KCNMA1: variants seen among roughly 807,000 people sequenced by gnomAD.
The protein encoded by KCNMA1 is Calcium-activated potassium channel subunit alpha-1.
In KCNMA1, 29 loss-of-function variants were observed where a neutral mutation model predicts 140.0. The observed-to-expected ratio is 0.21, with a 90% CI of 0.15 to 0.28. KCNMA1 has a LOEUF of 0.28. Among genes scored for constraint, KCNMA1 ranks in the 10% least tolerant of loss-of-function variants. KCNMA1 has a pLI of 1.00. For missense variants in KCNMA1, 880 were observed against 1,602.2 expected, an observed-to-expected ratio of 0.55 and a Z score of 7.70; for synonymous variants, 612 against 611.9, an observed-to-expected ratio of 1.00 and a Z score of 0.00.
intron 1 of KCNMA1, chr10:77,587,827 C>G: frequency 9.1e-6 from 9 of 985,266 alleles, no homozygotes; most frequent in Non-Finnish European, 1.1e-5. Context: ...GTTATCTCAC[C>G]GACAGATCAT....
At chr10:77,096,520 C>G (rs573512198) in intron 9 of KCNMA1, among the ~76,000 whole-genome samples, 1 of 152,196 alleles carries the variant, frequency 6.6e-6, no homozygotes. Context: ...TCAGGTTCTG[C>G]GAGGGCGGGG....
chr10:76,875,084 A>T (rs2032116340), downstream of KCNMA1: 1 of 152,240 alleles, frequency 6.6e-6, no homozygotes, highest in Non-Finnish European at 1.5e-5. Context: ...AGAGCTCAAC[A>T]AGTAGGAACA....
chr10:77,043,978 A>T (rs1158799655), intron 14 of KCNMA1, among the ~76,000 whole-genome samples: 5 of 152,202 alleles, frequency 3.3e-5, no homozygotes, highest in Non-Finnish European at 7.3e-5. Flanking sequence ...AATGATTAAG[A>T]TAGTAAATTT....
chr10:77,442,016 C>T (rs1325740464), intron 1 of KCNMA1, among the ~76,000 whole-genome samples: 2 of 152,158 alleles, frequency 1.3e-5, no homozygotes, highest in Non-Finnish European at 2.9e-5. Context: ...CTCAACTGCG[C>T]CAGCAAGGAG....
At chr10:76,924,313 A>G (rs541327588) in intron 23 of KCNMA1, among the ~76,000 whole-genome samples, 1 of 152,348 alleles carries the variant, frequency 6.6e-6, no homozygotes, top group East Asian at 1.9e-4. Context: ...AACCACAGGT[A>G]ACATACTGAC....
At chr10:77,391,675 C>T (rs2095831155) in intron 2 of KCNMA1, among the ~76,000 whole-genome samples, 1 of 151,694 alleles carries the variant, frequency 6.6e-6, no homozygotes. Flanking sequence ...CACTCTGGAC[C>T]CAGAGTCTAA....
At chr10:77,380,934 C>T (rs1189673546) in intron 2 of KCNMA1, among the ~76,000 whole-genome samples, 1 of 152,194 alleles carries the variant, frequency 6.6e-6, no homozygotes, top group Non-Finnish European at 1.5e-5. Context: ...AAACTTATGA[C>T]CTCTTTCTCA....
chr10:77,052,798 A>C lies in KCNMA1; in HGVS notation c.1750-13161T>G, dbSNP rs2095416974. ...TTGAGCCCAATTTTGCATACTCAGC[A>C]AAAGAAAAGTTTTGCAGTCAAGCAG... On this transcript the variant is annotated intron_variant, in intron 14 of 27. Coordinates refer to ENST00000286628, the MANE Select transcript of KCNMA1 (RefSeq NM_001161352.2). Among the ~76,000 whole-genome samples, 3 of 152,268 alleles carry C rather than the reference A, an allele frequency of 2.0e-5. 1 individual carries two copies. The highest frequency in any genetic ancestry group is 4.1e-4 in the South Asian group (2 of 4,820).
chr10:77,287,310 G>A (rs189966608), intron 2 of KCNMA1, among the ~76,000 whole-genome samples: 18 of 152,176 alleles, frequency 1.2e-4, no homozygotes, highest in Non-Finnish European at 2.1e-4. Flanking sequence ...GAAGCAGTAC[G>A]TCACTGCCCC....
chr10:77,514,262 C>T (rs893069800), intron 1 of KCNMA1, among the ~76,000 whole-genome samples: 1 of 152,180 alleles, frequency 6.6e-6, no homozygotes, highest in African/African-American at 2.4e-5. Flanking sequence ...CAGAGATAGC[C>T]AGGCCTCACC....
intron 1 of KCNMA1, among the ~76,000 whole-genome samples, chr10:77,440,635 G>C (rs539987166): frequency 6.6e-6 from 1 of 152,244 alleles, no homozygotes; most frequent in African/African-American, 2.4e-5. Flanking sequence ...AAATGAAAGT[G>C]TTCAGACAAA....
intron 25 of KCNMA1, among the ~76,000 whole-genome samples, chr10:76,899,255 T>C (rs966186637): frequency 3.3e-5 from 5 of 152,168 alleles, no homozygotes; most frequent in African/African-American, 1.2e-4. Flanking sequence ...CAGATTTGAA[T>C]TGGACTTTTT....
chr10:77,350,120 A>G (rs979360007), intron 2 of KCNMA1, among the ~76,000 whole-genome samples: 26 of 152,154 alleles, frequency 1.7e-4, no homozygotes, highest in Non-Finnish European at 3.8e-4. Context: ...GCCAGTCACA[A>G]ACTCCTCACC....
chr10:77,549,342 G>C (rs999949878), intron 1 of KCNMA1, among the ~76,000 whole-genome samples: 1 of 152,210 alleles, frequency 6.6e-6, no homozygotes, highest in Non-Finnish European at 1.5e-5. Flanking sequence ...TTCAGATGGA[G>C]AGGAAGTCTC....
chr10:76,917,359 A>G (rs1281066723), intron 23 of KCNMA1, among the ~76,000 whole-genome samples: 1 of 152,180 alleles, frequency 6.6e-6, no homozygotes, highest in Non-Finnish European at 1.5e-5. Context: ...AGCAGGGAGA[A>G]ATGCAGGTCA....
chr10:77,284,547 T>C (rs2069999452), intron 2 of KCNMA1, among the ~76,000 whole-genome samples: 1 of 152,094 alleles, frequency 6.6e-6, no homozygotes, highest in Non-Finnish European at 1.5e-5. Flanking sequence ...GGTGTCTCTC[T>C]ATGTTGCCCA....
At chr10:76,953,603 G>A (rs1295496850) in intron 21 of KCNMA1, among the ~76,000 whole-genome samples, 198 bp downstream of exon 21, 1 of 152,142 alleles carries the variant, frequency 6.6e-6, no homozygotes, top group Non-Finnish European at 1.5e-5. Context: ...AATATATTCA[G>A]AGATTGAAAA....
chr10:77,338,495 C>G (rs897160804), intron 2 of KCNMA1, among the ~76,000 whole-genome samples: 1 of 152,192 alleles, frequency 6.6e-6, no homozygotes, highest in African/African-American at 2.4e-5. Flanking sequence ...AGACCCTAAG[C>G]CTCTGCTCCT....
intron 1 of KCNMA1, among the ~76,000 whole-genome samples, chr10:77,563,115 A>G (rs966365919): frequency 1.3e-5 from 2 of 152,096 alleles, no homozygotes; most frequent in East Asian, 3.8e-4. Flanking sequence ...AAAGAAACAC[A>G]TGGTAAGATT....
Sources: gnomAD v4.1 joint callset for allele counts (sites outside exome capture counted in the v4.1 genomes callset) on GRCh38, gnomAD v4.1.1 for gene constraint, MANE v1.5 for transcripts, NCBI Gene and HGNC (gene_info 2026-07-23, HGNC 2026-07-21) for gene names.